Variants in FHIT observed in about 807,000 individuals in gnomAD.
FHIT encodes fragile histidine triad diadenosine triphosphatase, also known as bis(5'-adenosyl)-triphosphatase.
A neutral mutation model predicts 17.9 loss-of-function variants in FHIT; 19 were observed. The observed-to-expected ratio is 1.06, with a 90% CI of 0.74 to 1.56. The LOEUF is 1.56. Among genes scored for constraint, FHIT ranks in the 40% most tolerant of loss-of-function variants. FHIT has a pLI of 0.00. For missense variants in FHIT, 248 were observed against 189.2 expected (o/e 1.31, Z -1.82); for synonymous variants, 81 against 69.7 (o/e 1.16, Z -0.81).
chr3:60,267,630 C>T (rs1365369068), intron 5 of FHIT, among the ~76,000 whole-genome samples: 1 of 152,084 alleles, frequency 6.6e-6, no homozygotes, highest in Non-Finnish European at 1.5e-5. Context: ...TTGTGCTTAA[C>T]ATATGACCGT....
intron 8 of FHIT, among the ~76,000 whole-genome samples, chr3:59,863,408 T>G (rs1413883156): frequency 6.6e-6 from 1 of 152,224 alleles, no homozygotes; most frequent in African/African-American, 2.4e-5. Context: ...CAATGCTGCA[T>G]AAGAAGAAAC....
chr3:60,044,221 A>T (rs1260630818), intron 5 of FHIT, among the ~76,000 whole-genome samples: 1 of 152,232 alleles, frequency 6.6e-6, no homozygotes, highest in Non-Finnish European at 1.5e-5. Context: ...GACGTGACAG[A>T]TCTTAATTAT....
At chr3:61,175,352 C>T (rs936504802) in intron 2 of FHIT, among the ~76,000 whole-genome samples, 1 of 152,098 alleles carries the variant, frequency 6.6e-6, no homozygotes, top group African/African-American at 2.4e-5. Context: ...CCACTTTCAA[C>T]ATCCATCTTC....
intron 5 of FHIT, among the ~76,000 whole-genome samples, chr3:60,486,333 T>G (rs886501887): frequency 6.6e-6 from 1 of 152,162 alleles, no homozygotes; most frequent in African/African-American, 2.4e-5. Flanking sequence ...CATTCTTTTT[T>G]CACAAAAGCA....
intron 3 of FHIT, among the ~76,000 whole-genome samples, chr3:60,922,509 C>A (rs1707336924): frequency 6.6e-6 from 1 of 152,052 alleles, no homozygotes. Flanking sequence ...TAGGAGGTAC[C>A]CACCTTCAGG....
intron 5 of FHIT, among the ~76,000 whole-genome samples, chr3:60,462,652 G>A (rs2032546715): frequency 6.6e-6 from 1 of 152,132 alleles, no homozygotes; most frequent in Non-Finnish European, 1.5e-5. Context: ...GAGAGCAGGA[G>A]GACTAGAATT....
intron 5 of FHIT, among the ~76,000 whole-genome samples, chr3:60,040,715 T>G (rs1453549559): frequency 1.3e-5 from 2 of 152,002 alleles, no homozygotes; most frequent in Non-Finnish European, 2.9e-5. Context: ...CAAAGAAAAG[T>G]TGGACCATGT....
chr3:59,854,705 T>G (rs961807787), intron 8 of FHIT, among the ~76,000 whole-genome samples: 12 of 152,160 alleles, frequency 7.9e-5, no homozygotes, highest in African/African-American at 2.9e-4. Context: ...AGCTGGTAAT[T>G]GGTAGATCTG....
intron 5 of FHIT, among the ~76,000 whole-genome samples, chr3:60,130,811 GTGTA>G (rs1442430569): frequency 1.3e-5 from 2 of 149,350 alleles, no homozygotes; most frequent in African/African-American, 2.5e-5. Context: ...ATATATATGT[GTGTA>G]TGTGTGTATA....
At chr3:60,443,816 G>A (rs2031111422) in intron 5 of FHIT, among the ~76,000 whole-genome samples, 1 of 152,018 alleles carries the variant, frequency 6.6e-6, no homozygotes, top group Non-Finnish European at 1.5e-5. Context: ...CAAAAGCAAT[G>A]GCAACAAAAG....
chr3:60,954,485 A>G (rs533280903), intron 3 of FHIT, among the ~76,000 whole-genome samples: 2 of 152,336 alleles, frequency 1.3e-5, no homozygotes, highest in East Asian at 1.9e-4. Flanking sequence ...GACAAGATCT[A>G]TGTACATAAA....
intron 5 of FHIT, among the ~76,000 whole-genome samples, chr3:60,333,323 C>T (rs532585371): frequency 6.6e-6 from 1 of 152,312 alleles, no homozygotes; most frequent in African/African-American, 2.4e-5. Context: ...AGATATGAAA[C>T]CATTAGGCTA....
At chr3:60,066,328 A>G (rs1323758540) in intron 5 of FHIT, among the ~76,000 whole-genome samples, 1 of 152,220 alleles carries the variant, frequency 6.6e-6, no homozygotes, top group Non-Finnish European at 1.5e-5. Flanking sequence ...AGAGCTTCCC[A>G]TTCCCAGGCT....
intron 3 of FHIT, among the ~76,000 whole-genome samples, chr3:61,007,165 T>A (rs1175943137): frequency 2.0e-5 from 3 of 152,238 alleles, no homozygotes; most frequent in African/African-American, 7.2e-5. Flanking sequence ...CTTTGCTTCT[T>A]CTTTAGTAAT....
chr3:60,973,875 C>T (rs1710129772), intron 3 of FHIT, among the ~76,000 whole-genome samples: 1 of 152,050 alleles, frequency 6.6e-6, no homozygotes, highest in African/African-American at 2.4e-5. Flanking sequence ...CTTGGGGAAT[C>T]CAAAGCTTTT....
At chr3:60,534,668 G>C (rs1350694127) in intron 5 of FHIT, among the ~76,000 whole-genome samples, 1 of 151,980 alleles carries the variant, frequency 6.6e-6, no homozygotes, top group African/African-American at 2.4e-5. Context: ...AATCAGAGAG[G>C]GTTGGATCCT....
chr3:60,921,055 A>G (rs1707255441), intron 3 of FHIT, among the ~76,000 whole-genome samples: 1 of 152,196 alleles, frequency 6.6e-6, no homozygotes, highest in South Asian at 2.1e-4. Context: ...CCTAATGCAT[A>G]CACCGGAACT....
At chr3:60,331,604 T>C (rs1709981201) in intron 5 of FHIT, among the ~76,000 whole-genome samples, 1 of 152,122 alleles carries the variant, frequency 6.6e-6, no homozygotes, top group Non-Finnish European at 1.5e-5. Flanking sequence ...CCCAGCACTT[T>C]GGGAGGCTGA....
chr3:61,042,622 C>G (rs1037912773), intron 2 of FHIT, among the ~76,000 whole-genome samples: 3 of 151,960 alleles, frequency 2.0e-5, no homozygotes, highest in Non-Finnish European at 2.9e-5. Flanking sequence ...GCGGATCACT[C>G]GAGGTCAGCC....
Sources: allele counts gnomAD v4.1 joint callset (sites outside exome capture counted in the v4.1 genomes callset), GRCh38; gene constraint gnomAD v4.1.1; transcripts MANE v1.5; gene names NCBI Gene and HGNC (gene_info 2026-07-23, HGNC 2026-07-21).